Variants in NUP210L observed in about 807,000 individuals in gnomAD.
NUP210L encodes nucleoporin 210 like, also known as nuclear pore membrane glycoprotein 210-like.
In NUP210L, 74 loss-of-function variants were observed where a neutral mutation model predicts 208.5. The ratio of observed to expected loss-of-function variants is 0.35; its 90% CI spans 0.29 to 0.43. NUP210L has a LOEUF of 0.43. Ranked by LOEUF, NUP210L falls within the 20% of genes least tolerant of loss-of-function variation. The pLI is 1.00. For synonymous variants in NUP210L, 780 were observed against 816.9 expected (o/e 0.95, Z 0.77); for missense variants, 1,843 against 2,289.4 (o/e 0.81, Z 3.98).
intron 10 of NUP210L, among the ~76,000 whole-genome samples, chr1:154,121,968 C>T (rs999132354): frequency 1.3e-5 from 2 of 151,380 alleles, no homozygotes; most frequent in Admixed American, 6.6e-5. Context: ...AAATAGAAAA[C>T]AGACAAATAG....
intron 30 of NUP210L, among the ~76,000 whole-genome samples, chr1:154,025,074 G>A (rs1465347004): frequency 2.0e-5 from 3 of 151,526 alleles, no homozygotes; most frequent in Non-Finnish European, 2.9e-5. Flanking sequence ...GACTACAGGC[G>A]CCCGCCACCT....
At chr1:154,061,539 A>G (rs763825127) in intron 18 of NUP210L, 47 bp downstream of exon 18, 2 of 1,099,012 alleles carry the variant, frequency 1.8e-6, no homozygotes, top group Non-Finnish European at 2.7e-6. Flanking sequence ...AGAGCTTTAC[A>G]TTCCAATTAT....
chr1:154,086,256 A>C (rs908213143), intron 16 of NUP210L, among the ~76,000 whole-genome samples: 5 of 151,930 alleles, frequency 3.3e-5, no homozygotes, highest in Non-Finnish European at 5.9e-5. Flanking sequence ...AAAACAAAAC[A>C]AAACCAAAAC....
chr1:154,138,000 A>C, intron 6 of NUP210L, 106 bp downstream of exon 6: 1 of 816,744 alleles, frequency 1.2e-6, no homozygotes, highest in Non-Finnish European at 1.8e-6. Context: ...TTACCACAAA[A>C]TCTAAAAACA....
At chr1:154,107,261 A>G (rs182146946) in intron 12 of NUP210L, among the ~76,000 whole-genome samples, 54 of 152,006 alleles carry the variant, frequency 3.6e-4, no homozygotes, top group Non-Finnish European at 7.1e-4. Flanking sequence ...AGATCACGAG[A>G]TCAGGAGATC....
chr1:154,037,615 C>T (rs763595408), intron 27 of NUP210L, among the ~76,000 whole-genome samples: 13 of 151,962 alleles, frequency 8.6e-5, no homozygotes, highest in Non-Finnish European at 1.5e-4. Context: ...ATTGTTGGAT[C>T]TTATTTATTT....
intron 15 of NUP210L, among the ~76,000 whole-genome samples, chr1:154,093,120 A>T (rs967200722): frequency 2.0e-5 from 3 of 152,272 alleles, no homozygotes; most frequent in East Asian, 1.9e-4. Context: ...TGTACATTTT[A>T]AAAAAATGAT....
At chr1:154,046,924 G>A (rs1262838464) in intron 25 of NUP210L, among the ~76,000 whole-genome samples, 1 of 152,182 alleles carries the variant, frequency 6.6e-6, no homozygotes, top group African/African-American at 2.4e-5. Context: ...TGGGTGTGGT[G>A]GCATGTGCCT....
intron 2 of NUP210L, among the ~76,000 whole-genome samples, chr1:154,146,154 A>C (rs1310348430): frequency 6.6e-6 from 1 of 152,208 alleles, no homozygotes; most frequent in Non-Finnish European, 1.5e-5. Context: ...TCAATCACAA[A>C]AATTAAAGAA....
intron 4 of NUP210L, 82 bp downstream of exon 4, chr1:154,141,349 A>G: frequency 1.2e-6 from 1 of 855,978 alleles, no homozygotes; most frequent in Non-Finnish European, 2.0e-6. Context: ...AAGTCCACAC[A>G]AATGGTTGCT....
In NUP210L at chr1:154,104,214, G is replaced by A. The variant is rs775293557; in HGVS notation, c.1621-4C>T. On this transcript the variant is annotated splice_region_variant and splice_polypyrimidine_tract_variant and intron_variant, in intron 12 of 39. Coordinates refer to ENST00000368559, the Ensembl canonical transcript of NUP210L. Reference sequence around the variant, plus strand: ...TGTTCAGTTTCAGGACATGTATCTGGAGGGGAAAAATTCATCTTTCAAGAA... The same window carrying A: ...TGTTCAGTTTCAGGACATGTATCTGAAGGGGAAAAATTCATCTTTCAAGAA... 1.9e-6 allele frequency: 3 copies of A among 1,611,298 alleles called. No individual in the cohort carries two copies. The highest frequency in any genetic ancestry group is 2.5e-6 in the Non-Finnish European group (3 of 1,178,872).
intron 27 of NUP210L, chr1:154,039,999 T>C (rs1300238651): frequency 1.3e-5 from 2 of 152,188 alleles, no homozygotes; most frequent in East Asian, 3.8e-4. Context: ...CCAATTTTAG[T>C]AGGTATGTTG....
intron 12 of NUP210L, among the ~76,000 whole-genome samples, chr1:154,108,235 G>A (rs1406376187): frequency 6.6e-6 from 1 of 152,124 alleles, no homozygotes; most frequent in Non-Finnish European, 1.5e-5. Flanking sequence ...TCAGCTCACT[G>A]CAACCTCGAC....
intron 16 of NUP210L, among the ~76,000 whole-genome samples, chr1:154,084,869 A>AAATC (rs1464714412): frequency 1.3e-5 from 2 of 150,562 alleles, no homozygotes; most frequent in African/African-American, 4.9e-5. Flanking sequence ...GTGAAATTAG[A>AAATC]AATCAGTAAC....
exon 22 of NUP210L, chr1:154,058,142 G>A: frequency 1.2e-6 from 2 of 1,614,102 alleles, no homozygotes; most frequent in Non-Finnish European, 1.7e-6. Context: ...TGTTTCTGAA[G>A]TATTTATTTT....
chr1:154,137,093 TTTAA>T (rs923432270), intron 6 of NUP210L, among the ~76,000 whole-genome samples: 2 of 152,126 alleles, frequency 1.3e-5, no homozygotes, highest in African/African-American at 2.4e-5. Flanking sequence ...CTAGTAAAGC[TTTAA>T]TTGTTTTATT....
intron 5 of NUP210L, among the ~76,000 whole-genome samples, chr1:154,139,177 A>ATATCTT (rs1658702871): frequency 6.6e-6 from 1 of 152,190 alleles, no homozygotes; most frequent in Admixed American, 6.6e-5. Flanking sequence ...CTGAGGCACA[A>ATATCTT]GAATCACTTG....
chr1:154,060,683 T>C (rs1287303685), intron 19 of NUP210L, 42 bp from the exon 20 acceptor site: 1 of 1,334,556 alleles, frequency 7.5e-7, no homozygotes, highest in South Asian at 1.2e-5. Flanking sequence ...TTGCTTCAGT[T>C]TATAAATAGC....
At chr1:154,019,493 A>T (rs1651439753) in intron 32 of NUP210L, among the ~76,000 whole-genome samples, 1 of 152,150 alleles carries the variant, frequency 6.6e-6, no homozygotes, top group Admixed American at 6.6e-5. Flanking sequence ...AGGAATGCCA[A>T]ATACTGGGTT....
Sources: gnomAD v4.1 joint callset for allele counts (sites outside exome capture counted in the v4.1 genomes callset) on GRCh38, gnomAD v4.1.1 for gene constraint, MANE v1.5 for transcripts, NCBI Gene and HGNC (gene_info 2026-07-23, HGNC 2026-07-21) for gene names.